DLG2: variants seen among roughly 807,000 people sequenced by gnomAD.
The protein encoded by DLG2 is discs large MAGUK scaffold protein 2.
A neutral mutation model predicts 132.5 loss-of-function variants in DLG2; 45 were observed. The ratio of observed to expected loss-of-function variants is 0.34; its 90% CI spans 0.27 to 0.44. DLG2 has a LOEUF of 0.44. Among genes scored for constraint, DLG2 ranks in the 20% least tolerant of loss-of-function variants. The probability of loss-of-function intolerance (pLI) is 1.00; values close to 1 mark genes in which losing one functional copy is unlikely to be tolerated. For missense variants in DLG2, 1,045 were observed against 1,196.9 expected, an observed-to-expected ratio of 0.87 and a Z score of 1.87; for synonymous variants, 424 against 419.6, an observed-to-expected ratio of 1.01 and a Z score of -0.13.
At chr11:84,658,423 G>A (rs1002232999) in intron 6 of DLG2, among the ~76,000 whole-genome samples, 6 of 152,112 alleles carry the variant, frequency 3.9e-5, no homozygotes, top group Non-Finnish European at 5.9e-5. Flanking sequence ...AGGTCATGAG[G>A]CTGGAATTCT....
intron 6 of DLG2, among the ~76,000 whole-genome samples, chr11:85,109,675 A>T (rs1310826106): frequency 6.6e-6 from 1 of 152,154 alleles, no homozygotes; most frequent in Non-Finnish European, 1.5e-5. Context: ...AGAAATTCTT[A>T]TTGGTATTAT....
At chr11:84,864,164 G>C (rs80145110) in intron 6 of DLG2, among the ~76,000 whole-genome samples, 6,350 of 152,246 alleles carry the variant, frequency 0.042, 201 homozygotes, top group African/African-American at 0.081. Flanking sequence ...TTGGTTTTAT[G>C]TACACAGTAC....
intron 7 of DLG2, among the ~76,000 whole-genome samples, chr11:84,263,971 G>T (rs1049930447): frequency 1.3e-5 from 2 of 152,066 alleles, no homozygotes; most frequent in African/African-American, 4.8e-5. Context: ...GGATATTTTA[G>T]TTTCATTTTC....
At chr11:83,908,887 G>A (rs1055461974) in intron 15 of DLG2, among the ~76,000 whole-genome samples, 14 of 152,086 alleles carry the variant, frequency 9.2e-5, no homozygotes, top group African/African-American at 3.4e-4. Flanking sequence ...GCCTGTGCCA[G>A]CATGCCTGCC....
chr11:85,187,443 T>C (rs2080194945), intron 4 of DLG2, among the ~76,000 whole-genome samples: 1 of 152,128 alleles, frequency 6.6e-6, no homozygotes, highest in Admixed American at 6.6e-5. Context: ...ATTCTGCTTT[T>C]AATGTTATTA....
intron 6 of DLG2, chr11:84,640,651 C>A (rs1222533526): frequency 5.6e-6 from 1 of 179,320 alleles, no homozygotes; most frequent in Admixed American, 6.3e-5. Context: ...CAATAAAAGA[C>A]CTATTGATGG....
intron 8 of DLG2, among the ~76,000 whole-genome samples, chr11:84,196,168 T>C (rs1156790469): frequency 6.6e-6 from 1 of 152,230 alleles, no homozygotes; most frequent in African/African-American, 2.4e-5. Flanking sequence ...GTGCTTTTTA[T>C]AATTTTTAAC....
intron 4 of DLG2, among the ~76,000 whole-genome samples, chr11:85,197,338 A>C (rs2081144821): frequency 6.6e-6 from 1 of 152,178 alleles, no homozygotes; most frequent in Non-Finnish European, 1.5e-5. Flanking sequence ...CTAATGAAAC[A>C]CTTTTAAAGA....
chr11:85,296,690 A>G (rs964877040), intron 3 of DLG2, among the ~76,000 whole-genome samples: 1 of 151,430 alleles, frequency 6.6e-6, no homozygotes, highest in South Asian at 2.1e-4. Flanking sequence ...AAAAGGATGA[A>G]TTTAAATGAA....
chr11:83,743,852 G>C (rs78205197), intron 18 of DLG2, among the ~76,000 whole-genome samples: 2 of 152,278 alleles, frequency 1.3e-5, no homozygotes, highest in Admixed American at 6.5e-5. Flanking sequence ...AACAGGTAAA[G>C]GGCAGTGAAT....
At chr11:83,971,106 G>T (rs941095367) in intron 12 of DLG2, among the ~76,000 whole-genome samples, 5 of 152,072 alleles carry the variant, frequency 3.3e-5, no homozygotes, top group Non-Finnish European at 7.4e-5. Flanking sequence ...GTCATTGTTT[G>T]TCATTGTCTT....
At chr11:85,035,277 CCTTGAAATAGCACTATTT>C (rs1416181076) in intron 6 of DLG2, among the ~76,000 whole-genome samples, 2 of 152,136 alleles carry the variant, frequency 1.3e-5, no homozygotes, top group African/African-American at 4.8e-5. Flanking sequence ...AACACTCACC[CCTTGAAATAGCACTATTT>C]CTTGAAAAAT....
intron 19 of DLG2, among the ~76,000 whole-genome samples, chr11:83,564,351 A>G (rs1346047680): frequency 6.6e-6 from 1 of 152,208 alleles, no homozygotes; most frequent in African/African-American, 2.4e-5. Flanking sequence ...GGGGGGGGTC[A>G]GGAGCCCTAG....
intron 7 of DLG2, among the ~76,000 whole-genome samples, chr11:84,463,454 G>C (rs1224297005): frequency 6.6e-6 from 1 of 151,078 alleles, no homozygotes; most frequent in African/African-American, 2.4e-5. Context: ...TCTGTGCTAA[G>C]GACTGCACTC....
chr11:85,075,756 AAT>A (rs1267305334), intron 6 of DLG2, among the ~76,000 whole-genome samples: 1 of 151,922 alleles, frequency 6.6e-6, no homozygotes, highest in African/African-American at 2.4e-5. Context: ...ACTCTCAGAA[AAT>A]ATATAATATA....
chr11:84,701,288 C>G (rs1002758734), intron 6 of DLG2, among the ~76,000 whole-genome samples: 1 of 151,586 alleles, frequency 6.6e-6, no homozygotes, highest in South Asian at 2.1e-4. Flanking sequence ...CTCAGCCCTT[C>G]TATGCATTGT....
At chr11:84,462,308 C>A (rs943002967) in intron 7 of DLG2, among the ~76,000 whole-genome samples, 1 of 150,990 alleles carries the variant, frequency 6.6e-6, no homozygotes, top group Non-Finnish European at 1.5e-5. Context: ...TCTCTTTTAT[C>A]CTTAGACATT....
intron 3 of DLG2, among the ~76,000 whole-genome samples, chr11:85,567,479 T>C (rs2077592155): frequency 6.6e-6 from 1 of 152,188 alleles, no homozygotes; most frequent in African/African-American, 2.4e-5. Flanking sequence ...TGTGCATTGA[T>C]TGCTTTTGTA....
chr11:85,557,585 T>C (rs955863882), intron 3 of DLG2, among the ~76,000 whole-genome samples: 16 of 151,816 alleles, frequency 1.1e-4, no homozygotes, highest in African/African-American at 3.1e-4. Flanking sequence ...CAAAACAGCA[T>C]GTTAATGGTA....
Sources: allele counts gnomAD v4.1 joint callset (sites outside exome capture counted in the v4.1 genomes callset), GRCh38; gene constraint gnomAD v4.1.1; transcripts MANE v1.5; gene names NCBI Gene and HGNC (gene_info 2026-07-23, HGNC 2026-07-21).